SYCE1L: variants seen among roughly 807,000 people sequenced by gnomAD.
SYCE1L encodes synaptonemal complex central element protein 1 like, also known as synaptonemal complex central element protein 1-like.
Under a neutral mutation model 39.6 loss-of-function variants are expected in SYCE1L, and 51 were observed. The ratio of observed to expected loss-of-function variants is 1.29; its 90% CI spans 1.03 to 1.63. The LOEUF (loss-of-function observed/expected upper bound fraction) is 1.63, where lower values mean the gene tolerates loss of function less well. Among genes scored for constraint, SYCE1L ranks in the 40% most tolerant of loss-of-function variants. The probability of loss-of-function intolerance (pLI) is 0.00; values close to 1 mark genes in which losing one functional copy is unlikely to be tolerated. For missense variants in SYCE1L, 426 were observed against 304.9 expected, an observed-to-expected ratio of 1.40 and a Z score of -2.96; for synonymous variants, 147 against 122.4, an observed-to-expected ratio of 1.20 and a Z score of -1.33.
At chr16:77,207,483 G>A (rs2054793460) in intron 2 of SYCE1L, among the ~76,000 whole-genome samples, 1 of 152,214 alleles carries the variant, frequency 6.6e-6, no homozygotes, top group African/African-American at 2.4e-5. Context: ...AAACTTGCAA[G>A]CTGCCACCAA....
chr16:77,208,684 A>G, intron 4 of SYCE1L, 145 bp downstream of exon 4: 1 of 829,632 alleles, frequency 1.2e-6, no homozygotes, highest in Non-Finnish European at 1.9e-6. Flanking sequence ...GTCATCTTTC[A>G]GCTCTCAGCT....
At chr16:77,206,826 GATGTAT>G (rs56325615) in intron 2 of SYCE1L, among the ~76,000 whole-genome samples, 67,660 of 151,340 alleles carry the variant, frequency 0.45, 16,425 homozygotes, top group Non-Finnish European at 0.56. Flanking sequence ...TGCATTCATG[GATGTAT>G]ATTTTTTGTC....
intron 7 of SYCE1L, 108 bp downstream of exon 7, chr16:77,211,384 C>G (rs1312404381): frequency 6.2e-6 from 8 of 1,287,478 alleles, no homozygotes; most frequent in Non-Finnish European, 8.8e-6. Flanking sequence ...GCGGGATAGT[C>G]CTTGATTCCT....
At chr16:77,200,234 A>ATG (rs1567422928) in intron 1 of SYCE1L, 17 of 87,834 alleles carry the variant, frequency 1.9e-4, no homozygotes, top group African/African-American at 8.5e-4. Flanking sequence ...ATGTGTGTGT[A>ATG]TATATATATA....
chr16:77,211,104 C>T (rs2054819207), intron 6 of SYCE1L, 109 bp from the exon 7 acceptor site: 10 of 1,214,462 alleles, frequency 8.2e-6, no homozygotes, highest in Non-Finnish European at 1.2e-5. Context: ...CATGAAGGGG[C>T]TCCCAGCAGA....
rs913966025 is a variant in SYCE1L at position 77,212,415 on chromosome 16, G to C, written c.581+46G>C. Reference sequence around the variant, plus strand: ...TGGGCGAGGAGGGCAGGGGCAGGGCGGAGGGGAACCCGCCCAGGTCCCCCG... The same window carrying C: ...TGGGCGAGGAGGGCAGGGGCAGGGCCGAGGGGAACCCGCCCAGGTCCCCCG... On this transcript the variant is annotated intron_variant, in intron 9 of 10. Transcript: ENST00000378644. The C allele has an allele frequency of 3.3e-6, 5 of 1,531,122 alleles. No individual in the cohort carries two copies. In the African/African-American group the frequency reaches 7.0e-5, roughly 21 times the overall value. The allele number at this position is 1,531,122 out of a possible 1,614,324, so 94.8% of individuals were successfully genotyped here. A position where few individuals can be genotyped will look rare whatever the true frequency, so the allele number is the denominator to read the frequency against.
chr16:77,199,502 G>C lies in SYCE1L; in HGVS notation c.51G>C (p.Glu17Asp). 1 of 1,551,458 alleles carries C rather than the reference G, an allele frequency of 6.4e-7. No individual in the cohort carries two copies. Among genetic ancestry groups the C allele is most frequent in the South Asian group, 1.2e-5 (1 of 84,042 alleles). ...PLNVEAPEAT[E>D]EAEGQAKSLK... ...ATGTGGAGGCGCCAGAAGCTACTGAGGAGGCTGAAGGTAGTGAGGGCAAGT... is the reference window on the plus strand; with the variant it reads ...ATGTGGAGGCGCCAGAAGCTACTGACGAGGCTGAAGGTAGTGAGGGCAAGT... The change falls in exon 1 of 11, where the codon GAG becomes GAC. Residue 17 changes from glutamate (E) to aspartate (D), a missense_variant. By Grantham distance (45) the Glu-to-Asp change is conservative (BLOSUM62 2). Transcript: ENST00000378644.
At position 77,212,620 on chromosome 16, in the gene SYCE1L, C is replaced by T; in HGVS notation, c.628C>T (p.Pro210Ser). 6.5e-7 allele frequency: 1 copy of T among 1,534,626 alleles called. No individual in the cohort carries two copies. The highest frequency in any genetic ancestry group is 8.7e-7 in the Non-Finnish European group (1 of 1,145,954). Reference protein sequence around the residue: ...EIFGEQVRSAPEVGAGEGEAG... With the variant: ...EIFGEQVRSASEVGAGEGEAG... ...ATTCGGGGAGCAGGTCCGGAGCGCC[C>T]CCGAGGTCGGGGCCGGCGAGGGAGA... The change falls in exon 10 of 11, where the codon CCC becomes TCC. Residue 210 changes from proline to serine, a missense_variant. Coordinates refer to ENST00000378644, the MANE Select transcript of SYCE1L (RefSeq NM_001129979.3).
chr16:77,208,240 T>A lies in SYCE1L; in HGVS notation c.152T>A (p.Leu51Gln). 1 of 1,551,712 alleles carries A rather than the reference T, an allele frequency of 6.4e-7. No individual in the cohort carries two copies. Among genetic ancestry groups the A allele is most frequent in the Non-Finnish European group, 8.7e-7 (1 of 1,147,008 alleles). ...EGSLEPQIED[L>Q]ISRINDLQQA... ...AGCCTGGAGCCACAGATAGAGGACC[T>A]GATTAGCCGGATTAATGATCTTCAG... The change falls in exon 3 of 11, where the codon CTG becomes CAG. Residue 51 changes from leucine to glutamine, a missense_variant. Coordinates refer to ENST00000378644, the MANE Select transcript of SYCE1L (RefSeq NM_001129979.3).
chr16:77,209,413 A>G lies in SYCE1L; in HGVS notation c.305-4A>G. On this transcript the variant is annotated splice_polypyrimidine_tract_variant and splice_region_variant and intron_variant, in intron 5 of 10. Coordinates refer to ENST00000378644, the MANE Select transcript of SYCE1L (RefSeq NM_001129979.3). ...AAAGGGTCCCCTTGGTTCCTTCCCC[A>G]CAGAGGCACTGAGGATCCTCCAGAT... is the stretch of plus-strand genomic sequence containing the variant. 1 of 1,551,654 alleles carries G rather than the reference A, an allele frequency of 6.4e-7. No homozygotes were observed. The highest frequency in any genetic ancestry group is 1.2e-5 in the South Asian group (1 of 84,060).
chr16:77,212,439 C>T (rs1426664004), intron 9 of SYCE1L, 70 bp downstream of exon 9: 2 of 1,534,356 alleles, frequency 1.3e-6, no homozygotes, highest in Non-Finnish European at 1.8e-6. Flanking sequence ...CCAGGTCCCC[C>T]GCTCCGCCCC....
Position 77,208,503 on chromosome 16 carries a change from A to G in SYCE1L, c.220A>G (p.Ser74Gly), listed in dbSNP as rs2054801343. The change falls in exon 4 of 11, where the codon AGT becomes GGT. Residue 74 changes from serine to glycine, a missense_variant. Transcript: ENST00000378644. Reference protein sequence around the residue: ...KSSEELRETHSLWEALHRELD... With the variant: ...KSSEELRETHGLWEALHRELD... ...CAGTGAGGAACTGAGAGAGACCCACAGTCTCTGGGAGGCCCTGCATAGGGA... is the reference window on the plus strand; with the variant it reads ...CAGTGAGGAACTGAGAGAGACCCACGGTCTCTGGGAGGCCCTGCATAGGGA... 2 of 1,551,608 alleles carry G rather than the reference A, an allele frequency of 1.3e-6. No homozygotes were observed. The highest frequency in any genetic ancestry group is 1.4e-5 in the African/African-American group (1 of 73,044).
At chr16:77,201,825 T>C (rs2142510794) in intron 1 of SYCE1L, 1 of 152,274 alleles carries the variant, frequency 6.6e-6, no homozygotes, top group East Asian at 1.9e-4. Flanking sequence ...TAAAATTAAA[T>C]TATAAGTTGA....
At chr16:77,205,269 G>A (rs1335883354) in intron 1 of SYCE1L, among the ~76,000 whole-genome samples, 2 of 151,462 alleles carry the variant, frequency 1.3e-5, no homozygotes, top group Non-Finnish European at 2.9e-5. Context: ...GCCGCCTTTC[G>A]TCTTCTCTTC....
chr16:77,208,419 G>T, intron 3 of SYCE1L, 46 bp from the exon 4 acceptor site: 1 of 1,550,628 alleles, frequency 6.4e-7, no homozygotes, highest in South Asian at 1.2e-5. Context: ...GAACAGCAAG[G>T]CTAGAGACTA....
At chr16:77,206,393 C>T (rs553554830) in intron 1 of SYCE1L, 48 bp from the exon 2 acceptor site, 2 of 1,520,182 alleles carry the variant, frequency 1.3e-6, no homozygotes, top group Admixed American at 2.0e-5. Context: ...CTTCTCTCTC[C>T]CCTCTCACTC....
intron 2 of SYCE1L, 120 bp downstream of exon 2, chr16:77,206,620 T>A (rs890725664): frequency 3.2e-6 from 3 of 929,890 alleles, no homozygotes; most frequent in Non-Finnish European, 3.3e-6. Flanking sequence ...TTTCTCCCTC[T>A]TATACAGTTT....
rs7194408 is a variant in SYCE1L at position 77,208,770 on chromosome 16, C to G, written c.256+231C>G. ...TCCCGCCCTCTCTTGGTCATTCTCACGCCCCTGGCTGATTTGTTTCTTAAG... is the reference window on the plus strand; with the variant it reads ...TCCCGCCCTCTCTTGGTCATTCTCAGGCCCCTGGCTGATTTGTTTCTTAAG... On this transcript the variant is annotated intron_variant, in intron 4 of 10. Transcript: ENST00000378644. Among the ~76,000 whole-genome samples, 4 of 152,156 alleles carry G rather than the reference C, an allele frequency of 2.6e-5. No homozygotes were observed. The South Asian group carries it at 6.2e-4, about 24-fold the overall frequency.
In SYCE1L at chr16:77,212,471, G is replaced by T; in HGVS notation, c.581+102G>T. On this transcript the variant is annotated intron_variant, in intron 9 of 10. Transcript: ENST00000378644. Reference sequence around the variant, plus strand: ...CCCCCGACTGCCGCTTCCCCGGCCTGTGCCTCCCTCGGCGTCGTCGGGTCT... The same window carrying T: ...CCCCCGACTGCCGCTTCCCCGGCCTTTGCCTCCCTCGGCGTCGTCGGGTCT... The T allele has an allele frequency of 1.6e-5, 24 of 1,540,568 alleles. 2 individuals carry two copies. Among genetic ancestry groups the T allele is most frequent in the South Asian group, 7.2e-5 (6 of 83,872 alleles).
Sources: gnomAD v4.1 joint callset for allele counts (sites outside exome capture counted in the v4.1 genomes callset) on GRCh38, gnomAD v4.1.1 for gene constraint, MANE v1.5 for transcripts, NCBI Gene and HGNC (gene_info 2026-07-23, HGNC 2026-07-21) for gene names.